KLHL25: variants seen among roughly 807,000 people sequenced by gnomAD.
The protein encoded by KLHL25 is kelch-like protein 25.
KLHL25 carries 41 observed loss-of-function variants against 30.0 expected under a neutral mutation model. The observed-to-expected ratio is 1.37, with a 90% CI of 1.07 to 1.78. The LOEUF is 1.78. Ranked by LOEUF, KLHL25 falls within the 40% of genes most tolerant of loss-of-function variation. The pLI, the probability that KLHL25 is intolerant of heterozygous loss-of-function variation, is 0.00. For synonymous variants in KLHL25, 399 were observed against 355.3 expected, an observed-to-expected ratio of 1.12 and a Z score of -1.38; for missense variants, 971 against 824.5, an observed-to-expected ratio of 1.18 and a Z score of -2.18.
At position 85,768,221 on chromosome 15, in the gene KLHL25, G is replaced by C. The variant is rs1258774206; in HGVS notation, c.1590C>G (p.Ser530=). Residue 530 remains serine (S), a synonymous_variant, in exon 2 of 3, where the codon TCC becomes TCG. Transcript: ENST00000337975. ...TGTTGCCGGAAGCCAGGGCATGGCA[G>C]GACATGCGCTTGGCAGTCATGTCCC... The part of the protein sequence containing the change: ...RIGDMTAKRM[S]CHALASGNKL... 2.5e-6 allele frequency: 4 copies of C among 1,614,212 alleles called. No individual in the cohort carries two copies. Among genetic ancestry groups the C allele is most frequent in the Non-Finnish European group, 3.4e-6 (4 of 1,180,050 alleles).
rs139417145 is a variant in KLHL25 at position 85,791,623 on chromosome 15, G to A, written c.-11+3143C>T. On this transcript the variant is annotated intron_variant, in intron 1 of 2. Coordinates refer to ENST00000337975, the MANE Select transcript of KLHL25 (RefSeq NM_022480.4). ...AAGAGTGGCAAGAGAGGTAGGGGGC[G>A]GGGGTGAGGTGACTGGGGACTCAGG... 3.0e-3 allele frequency among the ~76,000 whole-genome samples: 456 copies of A among 152,216 alleles called. 5 individuals carry two copies. The highest frequency in any genetic ancestry group is 0.01 in the African/African-American group (434 of 41,506).
chr15:85,771,277 A>G (rs1034717280), intron 1 of KLHL25: 8 of 152,484 alleles, frequency 5.2e-5, no homozygotes, highest in Admixed American at 3.3e-4. Context: ...ACCCCCTAAA[A>G]GCCTGTGCTG....
intron 1 of KLHL25, among the ~76,000 whole-genome samples, chr15:85,780,432 T>C (rs1487873681): frequency 6.6e-6 from 1 of 152,210 alleles, no homozygotes; most frequent in Non-Finnish European, 1.5e-5. Flanking sequence ...GGCCTGGCCC[T>C]TTGCAAACAG....
At chr15:85,766,993 CA>C (rs1377942983) in intron 2 of KLHL25, among the ~76,000 whole-genome samples, 17 of 122,706 alleles carry the variant, frequency 1.4e-4, no homozygotes, top group Non-Finnish European at 2.9e-4. Flanking sequence ...GGTTGGCGAT[CA>C]TTTTTTTTTT....
At chr15:85,774,750 G>C (rs1256648080) in intron 1 of KLHL25, among the ~76,000 whole-genome samples, 5 of 152,122 alleles carry the variant, frequency 3.3e-5, no homozygotes, top group Admixed American at 2.6e-4. Flanking sequence ...ACAGCGCTCA[G>C]CCTGCGTAGT....
chr15:85,770,387 G>C (rs963472907), intron 1 of KLHL25: 5 of 467,538 alleles, frequency 1.1e-5, no homozygotes, highest in African/African-American at 9.9e-5. Context: ...GGTTTGCTGT[G>C]GACGCCCAAG....
rs2089637333 is a variant in KLHL25, at chr15:85,768,174, T to C, written c.1637A>G (p.Tyr546Cys). The C allele has an allele frequency of 1.2e-6, 2 of 1,614,180 alleles. No homozygotes were observed. Among genetic ancestry groups the C allele is most frequent in the Non-Finnish European group, 1.7e-6 (2 of 1,180,032 alleles). ...AGTCTTACACCTCTGGGTCCCAAAG[T>C]AGCCCCCGACCACATAGAGCTTGTT... Reference protein sequence around the residue: ...SGNKLYVVGGYFGTQRCKTLD... With the variant: ...SGNKLYVVGGCFGTQRCKTLD... Residue 546 changes from tyrosine to cysteine, a missense_variant, in exon 2 of 3, where the codon TAC (tyrosine) becomes TGC (cysteine). Coordinates refer to ENST00000337975, the MANE Select transcript of KLHL25 (RefSeq NM_022480.4).
At chr15:85,774,172 C>T (rs968185510) in intron 1 of KLHL25, among the ~76,000 whole-genome samples, 2 of 152,146 alleles carry the variant, frequency 1.3e-5, no homozygotes, top group Non-Finnish European at 2.9e-5. Flanking sequence ...CCATGGCTCA[C>T]GTCTTTGGAG....
Position 85,787,315 on chromosome 15 carries a change from G to A in KLHL25, c.-11+7451C>T, listed in dbSNP as rs561581307. Among the ~76,000 whole-genome samples the A allele has an allele frequency of 1.1e-4, 16 of 151,996 alleles. 1 individual carries two copies. The highest frequency in any genetic ancestry group is 7.4e-5 in the Non-Finnish European group (5 of 67,958). On this transcript the variant is annotated intron_variant, in intron 1 of 2. Coordinates refer to ENST00000337975, the MANE Select transcript of KLHL25 (RefSeq NM_022480.4). ...TACAAAATTAGCTGGGCGTGGTGGC[G>A]CTTGCCTGTAATCCCAGCTACTTGG...
Position 85,788,311 on chromosome 15 carries a change from C to G in KLHL25, c.-11+6455G>C, listed in dbSNP as rs200080765. ...CTCCCACGGCTGGCTCAAATGTCACCACCCCAGAGAGGCCTTCCTTGACCC... is the reference window on the plus strand; with the variant it reads ...CTCCCACGGCTGGCTCAAATGTCACGACCCCAGAGAGGCCTTCCTTGACCC... On this transcript the variant is annotated intron_variant, in intron 1 of 2. Transcript: ENST00000337975. 3.2e-4 allele frequency among the ~76,000 whole-genome samples: 48 copies of G among 152,222 alleles called. No individual in the cohort carries two copies. In the East Asian group the frequency reaches 8.1e-3, roughly 26 times the overall value.
At chr15:85,770,562 T>C (rs764239400) in intron 1 of KLHL25, 2 of 533,490 alleles carry the variant, frequency 3.7e-6, no homozygotes, top group Admixed American at 1.9e-5. Context: ...TCCACAGGGC[T>C]CTTTACCTAG....
intron 1 of KLHL25, among the ~76,000 whole-genome samples, chr15:85,777,540 C>T (rs997536480): frequency 6.6e-6 from 1 of 152,234 alleles, no homozygotes; most frequent in African/African-American, 2.4e-5. Context: ...TGTTTCAGTG[C>T]CTTCTCCACA....
chr15:85,763,959 C>T (rs1447773571), intron 2 of KLHL25: 1 of 152,196 alleles, frequency 6.6e-6, no homozygotes, highest in Non-Finnish European at 1.5e-5. Context: ...GTGCCATGGT[C>T]ACCAGGGGCA....
chr15:85,760,190 T>C lies in KLHL25; in HGVS notation c.*846A>G, dbSNP rs776768594. 6.6e-6 allele frequency: 1 copy of C among 152,158 alleles called. No homozygotes were observed. Among genetic ancestry groups the C allele is most frequent in the African/African-American group, 2.4e-5 (1 of 41,404 alleles). The allele number at this position is 152,158 out of a possible 1,614,324, so 9.4% of individuals were successfully genotyped here. On this transcript the variant is annotated 3_prime_UTR_variant, in exon 3 of 3. Coordinates refer to ENST00000337975, the MANE Select transcript of KLHL25 (RefSeq NM_022480.4). ...GGTCTTGGAGGGCAGCGTGGTCTCC[T>C]GGGGAGAAGCCCCCAGTGCTGTTGG...
intron 1 of KLHL25, among the ~76,000 whole-genome samples, chr15:85,785,440 G>C (rs2089774985): frequency 6.6e-6 from 1 of 152,206 alleles, no homozygotes; most frequent in African/African-American, 2.4e-5. Flanking sequence ...GGGTAGTATA[G>C]AGCAGGTTCT....
rs2089566718 is a variant in KLHL25 at position 85,759,651 on chromosome 15, C to A, written c.*1385G>T. ...AGTGGGCAAACCCTGCCCAAAGGTCCCACCCCCAAGAGGCCTCCAGGACCC... is the reference window on the plus strand; with the variant it reads ...AGTGGGCAAACCCTGCCCAAAGGTCACACCCCCAAGAGGCCTCCAGGACCC... On this transcript the variant is annotated 3_prime_UTR_variant, in exon 3 of 3. Transcript: ENST00000337975. 6.6e-6 allele frequency: 1 copy of A among 152,364 alleles called. No individual in the cohort carries two copies. Among genetic ancestry groups the A allele is most frequent in the African/African-American group, 2.4e-5 (1 of 41,466 alleles). 9.4% of individuals were successfully genotyped at this position (152,364 alleles called of 1,614,324 possible).
chr15:85,782,879 G>T (rs979187463), intron 1 of KLHL25, among the ~76,000 whole-genome samples: 6 of 152,050 alleles, frequency 3.9e-5, no homozygotes, highest in Non-Finnish European at 8.8e-5. Context: ...TCTCTGTACT[G>T]GCAGCTCAAG....
chr15:85,776,558 A>T (rs2089710565), intron 1 of KLHL25, among the ~76,000 whole-genome samples: 1 of 152,136 alleles, frequency 6.6e-6, no homozygotes, highest in African/African-American at 2.4e-5. Flanking sequence ...TGTTATTTAA[A>T]CTGTAACTGA....
chr15:85,770,103 A>G (rs2089661204), intron 1 of KLHL25, among the ~76,000 whole-genome samples: 2 of 152,238 alleles, frequency 1.3e-5, no homozygotes, highest in Admixed American at 1.3e-4. Context: ...GGCAAGCTCC[A>G]GTTGAGGCTG....
Sources: gnomAD v4.1 joint callset for allele counts (sites outside exome capture counted in the v4.1 genomes callset) on GRCh38, gnomAD v4.1.1 for gene constraint, MANE v1.5 for transcripts, NCBI Gene and HGNC (gene_info 2026-07-23, HGNC 2026-07-21) for gene names.